The following MYH10 variants were observed in gnomAD, a reference collection of about 807,000 sequenced individuals.
MYH10 encodes the protein myosin-10.
A neutral mutation model predicts 257.8 loss-of-function variants in MYH10; 55 were observed. That is an observed-to-expected ratio of 0.21 (90% CI 0.17 to 0.27). The LOEUF is 0.27. Ranked by LOEUF, MYH10 falls within the 10% of genes least tolerant of loss-of-function variation. The probability of loss-of-function intolerance (pLI) is 1.00; values close to 1 mark genes in which losing one functional copy is unlikely to be tolerated. For synonymous variants in MYH10, 854 were observed against 921.7 expected, an observed-to-expected ratio of 0.93 and a Z score of 1.33; for missense variants, 1,631 against 2,500.6, an observed-to-expected ratio of 0.65 and a Z score of 7.42.
chr17:8,576,795 G>T, intron 5 of MYH10, 123 bp from the exon 6 acceptor site: 1 of 832,146 alleles, frequency 1.2e-6, no homozygotes, highest in Non-Finnish European at 1.9e-6. Flanking sequence ...GTTGGCTGGC[G>T]TTCTCTCAGG....
chr17:8,623,333 C>A, intron 1 of MYH10, 56 bp from the exon 2 acceptor site: 3 of 1,441,610 alleles, frequency 2.1e-6, no homozygotes, highest in South Asian at 1.5e-5. Context: ...AGAATGTACA[C>A]GTTTTTCTTT....
intron 27 of MYH10, among the ~76,000 whole-genome samples, chr17:8,505,594 G>C (rs2081050047): frequency 6.6e-6 from 1 of 152,182 alleles, no homozygotes; most frequent in Admixed American, 6.5e-5. Context: ...CATCTGATTT[G>C]CATTCTAAAC....
At chr17:8,629,235 T>C (rs2085798024) in intron 1 of MYH10, among the ~76,000 whole-genome samples, 2 of 152,090 alleles carry the variant, frequency 1.3e-5, no homozygotes, top group African/African-American at 2.4e-5. Flanking sequence ...AAAAACAAAA[T>C]CTCAGCAAAG....
chr17:8,545,344 G>T lies in MYH10; in HGVS notation c.1431+104C>A. 8.0e-7 allele frequency: 1 copy of T among 1,253,136 alleles called. No individual in the cohort carries two copies. The allele number at this position is 1,253,136 out of a possible 1,614,324, so 77.6% of individuals were successfully genotyped here. On this transcript the variant is annotated intron_variant, in intron 13 of 42. Coordinates refer to ENST00000360416, the MANE Select transcript of MYH10 (RefSeq NM_001256012.3). This position sits in a 1 kb window ranked among gnomAD's most constrained non-coding sequence, Gnocchi z 4.7. ...TGGCTCTACTAGAATGGCAGGGACT[G>T]TATCCCTGGTGCCTCGTATGTACTG...
intron 35 of MYH10, among the ~76,000 whole-genome samples, chr17:8,489,648 G>A (rs929843988): frequency 2.0e-5 from 3 of 150,282 alleles, no homozygotes; most frequent in Admixed American, 1.3e-4. Context: ...AGGTTGCAGT[G>A]AGCCAAGATC....
chr17:8,548,284 A>C (rs765706510), intron 11 of MYH10, 29 bp downstream of exon 11: 2 of 1,542,550 alleles, frequency 1.3e-6, no homozygotes, highest in South Asian at 1.1e-5. Context: ...CCATCGAAAC[A>C]GAAATAAAGT....
At chr17:8,526,352 G>A (rs887265221) in intron 17 of MYH10, among the ~76,000 whole-genome samples, 1 of 152,194 alleles carries the variant, frequency 6.6e-6, no homozygotes. Flanking sequence ...CTCACTGGAA[G>A]ACCTAATATT....
At chr17:8,577,100 G>T in intron 5 of MYH10, 136 bp downstream of exon 5, 2 of 599,372 alleles carry the variant, frequency 3.3e-6, no homozygotes, top group East Asian at 5.5e-5. Context: ...GCATTGCTGG[G>T]TAGGTGGCGG....
intron 17 of MYH10, among the ~76,000 whole-genome samples, chr17:8,525,565 G>C (rs577341406): frequency 1.3e-5 from 2 of 152,340 alleles, no homozygotes; most frequent in Admixed American, 1.3e-4. Flanking sequence ...AAAAGAGGAA[G>C]AGCACCATGT....
At chr17:8,513,437 T>G (rs958355998) in intron 23 of MYH10, 101 bp downstream of exon 23, 97 of 1,494,396 alleles carry the variant, frequency 6.5e-5, no homozygotes, top group Admixed American at 4.1e-4. Context: ...GATGATATGG[T>G]GGGTACAGCT....
At chr17:8,532,823 T>C (rs887206993) in intron 16 of MYH10, among the ~76,000 whole-genome samples, 19 of 152,190 alleles carry the variant, frequency 1.2e-4, no homozygotes, top group African/African-American at 2.4e-4. Flanking sequence ...ATTATTGCCA[T>C]GGGAAGCACA....
At position 8,505,462 on chromosome 17, in the gene MYH10, G is replaced by A. The variant is rs1034959649; in HGVS notation, c.3387-556C>T. On this transcript the variant is annotated intron_variant, in intron 27 of 42. Transcript: ENST00000360416. ...GATTGGGAATAGTTGGGATGTTTGA[G>A]GTAAGGGAGATTTTTCTTGAAAGAT... Among the ~76,000 whole-genome samples the A allele has an allele frequency of 2.0e-5, 3 of 152,136 alleles. No individual in the cohort carries two copies. In the South Asian group the frequency reaches 6.2e-4, roughly 32 times the overall value.
intron 7 of MYH10, among the ~76,000 whole-genome samples, chr17:8,555,636 T>C (rs927162442): frequency 2.0e-5 from 3 of 152,134 alleles, no homozygotes; most frequent in Admixed American, 2.0e-4. Context: ...CATATAAAAC[T>C]TAACTCAAAG....
intron 6 of MYH10, among the ~76,000 whole-genome samples, chr17:8,572,600 T>C (rs1392930845): frequency 6.6e-6 from 1 of 152,058 alleles, no homozygotes; most frequent in Non-Finnish European, 1.5e-5. Context: ...AGCCAAAAGG[T>C]TGGAACCCAG....
At chr17:8,618,038 G>A (rs1309843717) in intron 2 of MYH10, among the ~76,000 whole-genome samples, 2 of 152,036 alleles carry the variant, frequency 1.3e-5, no homozygotes, top group African/African-American at 4.8e-5. Flanking sequence ...AACTTTTATT[G>A]TCTGGCTTAA....
intron 7 of MYH10, among the ~76,000 whole-genome samples, chr17:8,568,448 T>C (rs2083232344): frequency 6.6e-6 from 1 of 152,088 alleles, no homozygotes; most frequent in African/African-American, 2.4e-5. Context: ...GGTAAATTAA[T>C]GTGCAGACCA....
chr17:8,492,997 C>T lies in MYH10; in HGVS notation c.4237G>A (p.Asp1413Asn). 6.2e-7 allele frequency: 1 copy of T among 1,613,728 alleles called. No individual in the cohort carries two copies. The change falls in exon 33 of 43, where the codon GAC becomes AAC. Residue 1413 changes from aspartate (D) to asparagine (N), a missense_variant. By Grantham distance (23) the Asp-to-Asn change is conservative. Transcript: ENST00000360416. ...AGACTTTCAATTGTTCCCAGGTCGTCATCTACTTTCTTCTTGGTATCAGCC... is the reference window on the plus strand; with the variant it reads ...AGACTTTCAATTGTTCCCAGGTCGTTATCTACTTTCTTCTTGGTATCAGCC... ...QLADTKKKVD[D>N]DLGTIESLEE... is the part of the protein sequence containing the mutation.
chr17:8,570,244 G>A (rs188290969), intron 6 of MYH10, among the ~76,000 whole-genome samples: 40 of 152,292 alleles, frequency 2.6e-4, no homozygotes, highest in African/African-American at 8.9e-4. Flanking sequence ...CTGTATTGAT[G>A]TAGCACTTTC....
chr17:8,480,145 A>T lies in MYH10; in HGVS notation c.5562T>A (p.Ile1854=). The change falls in exon 40 of 43, where the codon ATT becomes ATA. Residue 1854 remains isoleucine (I), a synonymous_variant. Transcript: ENST00000360416. ...GCTCAAGCTGCTCCTCCAGCTGCCC[A>T]ATCTTGGCCTCCAGGGCTGAGATGG... ...KATISALEAK[I]GQLEEQLEQE... is the part of the protein sequence containing the mutation. 1 of 1,614,102 alleles carries T rather than the reference A, an allele frequency of 6.2e-7. No homozygotes were observed.
Sources: gnomAD v4.1 joint callset for allele counts (sites outside exome capture counted in the v4.1 genomes callset) on GRCh38, gnomAD v4.1.1 for gene constraint, Gnocchi (gnomAD v3.1) non-coding constraint, MANE v1.5 for transcripts, NCBI Gene and HGNC (gene_info 2026-07-23, HGNC 2026-07-21) for gene names.